Variants in CDK6 observed in about 807,000 individuals in gnomAD.
CDK6 encodes cyclin dependent kinase 6, also known as cyclin-dependent kinase 6.
Under a neutral mutation model 37.1 loss-of-function variants are expected in CDK6, and 6 were observed. That is an observed-to-expected ratio of 0.16 (90% confidence interval 0.09 to 0.32). The LOEUF is 0.32. Among genes scored for constraint, CDK6 ranks in the 10% least tolerant of loss-of-function variants. The pLI is 1.00. For synonymous variants in CDK6, 160 were observed against 161.3 expected (o/e 0.99, Z 0.06); for missense variants, 224 against 418.9 (o/e 0.53, Z 4.06).
At chr7:92,804,112 A>C (rs1800661301) in intron 2 of CDK6, among the ~76,000 whole-genome samples, 1 of 152,174 alleles carries the variant, frequency 6.6e-6, no homozygotes, top group African/African-American at 2.4e-5. Context: ...ACATTAGGAC[A>C]ATTGAGAACA....
At chr7:92,639,131 TA>T (rs963370066) in intron 5 of CDK6, among the ~76,000 whole-genome samples, 48 of 151,980 alleles carry the variant, frequency 3.2e-4, no homozygotes, top group African/African-American at 1.1e-3. Flanking sequence ...CTCAAAATAT[TA>T]AAAAAAATCT....
At chr7:92,737,308 C>T (rs973221577) in intron 3 of CDK6, among the ~76,000 whole-genome samples, 2 of 152,154 alleles carry the variant, frequency 1.3e-5, no homozygotes, top group Non-Finnish European at 2.9e-5. Flanking sequence ...TAATATAATC[C>T]TTAAAATATC....
At chr7:92,654,870 A>G (rs1332336947) in intron 5 of CDK6, among the ~76,000 whole-genome samples, 2 of 152,170 alleles carry the variant, frequency 1.3e-5, no homozygotes, top group African/African-American at 4.8e-5. Flanking sequence ...TTTCTGAGAC[A>G]GAAAAAAGCC....
At chr7:92,818,266 G>A (rs779836960) in intron 2 of CDK6, among the ~76,000 whole-genome samples, 1 of 151,894 alleles carries the variant, frequency 6.6e-6, no homozygotes, top group Non-Finnish European at 1.5e-5. Context: ...CAATGCAAAA[G>A]AACAAAGAGT....
intron 3 of CDK6, among the ~76,000 whole-genome samples, chr7:92,743,167 T>C (rs572850494): frequency 1.3e-5 from 2 of 151,828 alleles, no homozygotes; most frequent in African/African-American, 4.8e-5. Flanking sequence ...CCTGCTACTT[T>C]GAGTTCGAGA....
chr7:92,675,695 C>T (rs930492432), intron 4 of CDK6, among the ~76,000 whole-genome samples: 15 of 152,160 alleles, frequency 9.9e-5, no homozygotes, highest in South Asian at 2.1e-4. Flanking sequence ...CAAACAATCT[C>T]GCTCATAGAG....
In CDK6 at chr7:92,615,036, CT is replaced by C. The variant is rs1795642462; in HGVS notation, c.*103del. On this transcript the variant is annotated 3_prime_UTR_variant, in exon 8 of 8. Coordinates refer to ENST00000424848, the MANE Select transcript of CDK6 (RefSeq NM_001145306.2). ...GTCCAGAAGACAGCAGCTGGAAGGC[CT>C]CCAGATAGCAATCCTCCACAGCTCT... is the stretch of plus-strand genomic sequence containing the variant. The C allele has an allele frequency of 1.5e-5, 18 of 1,214,642 alleles. 1 individual carries two copies. In the South Asian group the frequency reaches 2.7e-4, roughly 18 times the overall value. The allele number at this position is 1,214,642 out of a possible 1,614,324, so 75.2% of individuals were successfully genotyped here.
intron 2 of CDK6, among the ~76,000 whole-genome samples, chr7:92,826,545 T>C (rs536778576): frequency 6.6e-6 from 1 of 152,162 alleles, no homozygotes; most frequent in South Asian, 2.1e-4. Flanking sequence ...TGGCAAGAAA[T>C]CCATTAGGGC....
chr7:92,771,450 A>C (rs1353194137), intron 3 of CDK6, among the ~76,000 whole-genome samples: 2 of 152,122 alleles, frequency 1.3e-5, no homozygotes, highest in African/African-American at 4.8e-5. Context: ...GGATCCTTTG[A>C]AAAGTAATTT....
chr7:92,694,100 G>C (rs1161560016), intron 4 of CDK6, among the ~76,000 whole-genome samples: 1 of 152,160 alleles, frequency 6.6e-6, no homozygotes, highest in Admixed American at 6.5e-5. Context: ...GATGGACTAA[G>C]GGAAAGAGTC....
intron 4 of CDK6, 80 bp from the exon 5 acceptor site, chr7:92,671,615 G>A (rs1014175708): frequency 7.1e-6 from 5 of 700,828 alleles, no homozygotes; most frequent in Non-Finnish European, 1.2e-5. Flanking sequence ...GTGGTTTAAT[G>A]ACAAGATGTA....
intron 2 of CDK6, among the ~76,000 whole-genome samples, chr7:92,787,902 C>T (rs1307774760): frequency 6.6e-6 from 1 of 151,866 alleles, no homozygotes; most frequent in Non-Finnish European, 1.5e-5. Flanking sequence ...AAATAAAGAT[C>T]CTTATAAAAA....
rs1801557650 is a variant in CDK6 at position 92,833,582 on chromosome 7, C to CCGCCGA, written c.-260_-259insTCGGCG. ...TGCAGAGTCGCCGCCGCCGCCGCCG[C>CCGCCGA]CGGAGGAGCGAGCCGATCCCTCCTC... On this transcript the variant is annotated 5_prime_UTR_variant, in exon 2 of 8. Coordinates refer to ENST00000424848, the MANE Select transcript of CDK6 (RefSeq NM_001145306.2). The surrounding 1 kb of genome is among the most constrained non-coding windows in gnomAD (Gnocchi z 6.1). 1.8e-6 allele frequency: 1 copy of CCGCCGA among 544,302 alleles called. No individual in the cohort carries two copies. Among genetic ancestry groups the CCGCCGA allele is most frequent in the African/African-American group, 2.0e-5 (1 of 49,366 alleles). The allele number at this position is 544,302 out of a possible 1,614,324, so 33.7% of individuals were successfully genotyped here. A position where few individuals can be genotyped will look rare whatever the true frequency, so the allele number is the denominator to read the frequency against.
At position 92,606,944 on chromosome 7, in the gene CDK6, T is replaced by C. The variant is rs1239156067; in HGVS notation, c.*8196A>G. The stretch of plus-strand genomic sequence containing the variant: ...GATAAAAACCTCAAATACCAAAAAA[T>C]GCAACAAGCTTTTGAGGTGTTGGGA... On this transcript the variant is annotated 3_prime_UTR_variant, in exon 8 of 8. Transcript: ENST00000424848. 4.3e-6 allele frequency: 1 copy of C among 232,930 alleles called. No homozygotes were observed. Among genetic ancestry groups the C allele is most frequent in the Non-Finnish European group, 8.5e-6 (1 of 117,928 alleles). The allele number at this position is 232,930 out of a possible 1,614,324, so 14.4% of individuals were successfully genotyped here.
intron 5 of CDK6, among the ~76,000 whole-genome samples, chr7:92,641,667 T>A (rs1475017203): frequency 6.6e-6 from 1 of 152,236 alleles, no homozygotes; most frequent in Non-Finnish European, 1.5e-5. Flanking sequence ...CAGATTTTTA[T>A]AAGATTTTTA....
At chr7:92,655,715 G>A (rs1208780787) in intron 5 of CDK6, among the ~76,000 whole-genome samples, 1 of 152,228 alleles carries the variant, frequency 6.6e-6, no homozygotes. Flanking sequence ...AGAAGAGCTG[G>A]TAGTATCCAG....
chr7:92,755,484 A>T (rs893539876), intron 3 of CDK6, among the ~76,000 whole-genome samples: 1 of 152,116 alleles, frequency 6.6e-6, no homozygotes, highest in African/African-American at 2.4e-5. Flanking sequence ...CCTCACATGA[A>T]ACATGGCGAG....
chr7:92,697,923 T>C (rs2116654678), intron 4 of CDK6, among the ~76,000 whole-genome samples: 1 of 152,348 alleles, frequency 6.6e-6, no homozygotes, highest in Admixed American at 6.5e-5. Flanking sequence ...CAAATTTTCA[T>C]GTTTTACAAG....
chr7:92,729,123 C>A (rs1798582818), intron 3 of CDK6, among the ~76,000 whole-genome samples: 1 of 152,066 alleles, frequency 6.6e-6, no homozygotes, highest in Admixed American at 6.6e-5. Context: ...AAGAAAAAAA[C>A]ACCTTTCCTA....
Sources: gnomAD v4.1 joint callset for allele counts (sites outside exome capture counted in the v4.1 genomes callset) on GRCh38, gnomAD v4.1.1 for gene constraint, Gnocchi (gnomAD v3.1) non-coding constraint, MANE v1.5 for transcripts, NCBI Gene and HGNC (gene_info 2026-07-23, HGNC 2026-07-21) for gene names.